MYO7A: variants seen among roughly 807,000 people sequenced by gnomAD.
The protein encoded by MYO7A is unconventional myosin-VIIa.
In MYO7A, 210 loss-of-function variants were observed where a neutral mutation model predicts 263.8. That is an observed-to-expected ratio of 0.80 (90% CI 0.71 to 0.89). The LOEUF is 0.89. Ranked by LOEUF, MYO7A falls within the 40% of genes least tolerant of loss-of-function variation. MYO7A has a pLI of 0.00. For missense variants in MYO7A, 2,820 were observed against 2,968.3 expected (o/e 0.95, Z 1.16); for synonymous variants, 1,239 against 1,197.3 (o/e 1.03, Z -0.72).
intron 39 of MYO7A, 49 bp downstream of exon 39, chr11:77,204,278 A>G: frequency 6.5e-7 from 1 of 1,546,492 alleles, no homozygotes; most frequent in Non-Finnish European, 8.7e-7. Flanking sequence ...ACCTGCTGTG[A>G]CGGGCAGCTC....
chr11:77,142,832 C>G lies in MYO7A; in HGVS notation c.132+10C>G, dbSNP rs2135629539. The G allele has an allele frequency of 6.3e-7, 1 of 1,583,720 alleles. No homozygotes were observed. The highest frequency in any genetic ancestry group is 8.6e-7 in the Non-Finnish European group (1 of 1,162,738). ...GGATGATGAAGACAATGTGAGTAGT[C>G]CCCTCCCTCCTCCTGCCCCATGCCT... On this transcript the variant is annotated intron_variant, in intron 3 of 48. Transcript: ENST00000409709.
chr11:77,129,967 G>GTGGGCC (rs1476970957), intron 1 of MYO7A, among the ~76,000 whole-genome samples: 2 of 152,090 alleles, frequency 1.3e-5, no homozygotes, highest in Non-Finnish European at 2.9e-5. Context: ...GCCTAGCGGG[G>GTGGGCC]CGGGCCCGGG....
At position 77,204,110 on chromosome 11, in the gene MYO7A, G is replaced by A. The variant is rs758583830; in HGVS notation, c.5361G>A (p.Lys1787=). The change falls in exon 39 of 49, where the codon AAG becomes AAA. Residue 1787 remains lysine (K), a synonymous_variant. Transcript: ENST00000409709. ...VLKYMGDYPS[K]RTRSVNELTD... is the part of the protein sequence containing the mutation. Reference sequence around the variant, plus strand: ...AGTACATGGGCGACTACCCGTCCAAGAGGACACGCTCCGTCAACGAGCTCA... The same window carrying A: ...AGTACATGGGCGACTACCCGTCCAAAAGGACACGCTCCGTCAACGAGCTCA... 4.4e-5 allele frequency: 70 copies of A among 1,601,618 alleles called. 2 individuals are homozygous for A. In the South Asian group the frequency reaches 7.5e-4, roughly 17 times the overall value.
chr11:77,147,739 C>A, intron 3 of MYO7A, 59 bp from the exon 4 acceptor site: 1 of 1,585,204 alleles, frequency 6.3e-7, no homozygotes. Context: ...CCGGCCCCTT[C>A]CCCTGAAGTG....
intron 32 of MYO7A, 22 bp from the exon 33 acceptor site, chr11:77,197,451 TTCTGTCCC>T (rs1485746283): frequency 7.3e-6 from 11 of 1,505,172 alleles, no homozygotes; most frequent in Non-Finnish European, 8.2e-6. Context: ...GTATGTTGTC[TTCTGTCCC>T]TCTGTCCCTC....
intron 27 of MYO7A, among the ~76,000 whole-genome samples, chr11:77,188,285 A>G (rs1555089490): frequency 6.6e-6 from 1 of 152,208 alleles, no homozygotes; most frequent in South Asian, 2.1e-4. Context: ...TGTTTTCTTT[A>G]AAGGACTGCT....
intron 15 of MYO7A, among the ~76,000 whole-genome samples, chr11:77,171,167 G>A (rs1408856487): frequency 1.3e-5 from 2 of 152,244 alleles, no homozygotes; most frequent in Non-Finnish European, 2.9e-5. Flanking sequence ...AAGGGTGTGC[G>A]TGCGCGTGTG....
chr11:77,204,230 G>A lies in MYO7A; in HGVS notation c.5480+1G>A, dbSNP rs749236379. On this transcript the variant is annotated splice_donor_variant, in intron 39 of 48. Coordinates refer to ENST00000409709, the MANE Select transcript of MYO7A (RefSeq NM_000260.4). LOFTEE classifies it high-confidence loss of function. Reference sequence around the variant, plus strand: ...AGCAGCTGACCGACAACCACATCAGGTGAGCCAGGCACAGTGGGCGGATGA... The same window carrying A: ...AGCAGCTGACCGACAACCACATCAGATGAGCCAGGCACAGTGGGCGGATGA... 2.5e-6 allele frequency: 4 copies of A among 1,569,414 alleles called. No individual in the cohort carries two copies. In the South Asian group the frequency reaches 3.5e-5, roughly 14 times the overall value.
chr11:77,152,655 G>A (rs113040071), intron 4 of MYO7A, among the ~76,000 whole-genome samples: 252 of 151,922 alleles, frequency 1.7e-3, no homozygotes, highest in African/African-American at 5.4e-3. Flanking sequence ...TTGCTCTTTC[G>A]GCCGCTCAGC....
At position 77,208,477 on chromosome 11, in the gene MYO7A, C is replaced by T. The variant is rs41298753; in HGVS notation, c.5904C>T (p.His1968=). Residue 1968 remains histidine, a synonymous_variant, in exon 43 of 49, where the codon CAC becomes CAT. Coordinates refer to ENST00000409709, the MANE Select transcript of MYO7A (RefSeq NM_000260.4). The part of the protein sequence containing the change: ...ENDFFFDFVR[H]LTDWIKKARP... ...ACTTCTTCTTTGACTTTGTTCGACA[C>T]TTGACAGACTGGATAAAGAAAGCTC... 9.4e-4 allele frequency: 1,520 copies of T among 1,613,852 alleles called. 7 individuals are homozygous for T. Among genetic ancestry groups the T allele is most frequent in the South Asian group, 2.1e-3 (194 of 91,016 alleles).
chr11:77,184,627 G>A lies in MYO7A; in HGVS notation c.3415G>A (p.Gly1139Ser), dbSNP rs200840044. 97 of 1,578,182 alleles carry A rather than the reference G, an allele frequency of 6.1e-5. No homozygotes were observed. The African/African-American group carries it at 1.2e-3, about 20-fold the overall frequency. ...GCATGACGGGGAGTCCACAGTGCAG[G>A]GCAACAGCATGCTGGAGGACCGGCC... ...RLHDGESTVQ[G>S]NSMLEDRPTS... The change falls in exon 27 of 49, where the codon GGC (glycine) becomes AGC (serine). Residue 1139 changes from glycine (G) to serine (S), a missense_variant. Gly to Ser is a moderately conservative substitution (Grantham distance 56). Transcript: ENST00000409709.
chr11:77,190,966 C>T lies in MYO7A; in HGVS notation c.3924+96C>T, dbSNP rs73495781. The T allele has an allele frequency of 2.1e-3, 2,803 of 1,330,926 alleles. 53 individuals carry two copies. In the African/African-American group the frequency reaches 0.036, roughly 17 times the overall value. 82.4% of individuals were successfully genotyped at this position (1,330,926 alleles called of 1,614,324 possible). ...CCACCTACTTGCCGGGGCTATTCAC[C>T]CTTGAGCACCTCGGTTTCCCCCTGA... On this transcript the variant is annotated intron_variant, in intron 30 of 48. Coordinates refer to ENST00000409709, the MANE Select transcript of MYO7A (RefSeq NM_000260.4).
chr11:77,195,487 T>C (rs963327801), intron 32 of MYO7A, among the ~76,000 whole-genome samples: 1 of 152,214 alleles, frequency 6.6e-6, no homozygotes, highest in Non-Finnish European at 1.5e-5. Context: ...CCCACCTCCC[T>C]GAGGGCCTCC....
In MYO7A at chr11:77,203,117, C is replaced by A; in HGVS notation, c.5226C>A (p.Asp1742Glu). 1.3e-6 allele frequency: 2 copies of A among 1,549,660 alleles called. No individual in the cohort carries two copies. Among genetic ancestry groups the A allele is most frequent in the Non-Finnish European group, 1.7e-6 (2 of 1,147,332 alleles). Residue 1742 changes from aspartate (D) to glutamate (E), a missense_variant, in exon 38 of 49, where the codon GAC (aspartate) becomes GAA (glutamate). Physicochemically the swap from Asp to Glu is conservative, Grantham distance 45 (BLOSUM62 2). Transcript: ENST00000409709. ...TGGTGTCCAAGGCCCGAGGCAAGGA[C>A]CGGCTGTGGAGCCACACGCGGGAAC... Reference protein sequence around the residue: ...RVMVSKARGKDRLWSHTREPL... With the variant: ...RVMVSKARGKERLWSHTREPL...
rs527601733 is a variant in MYO7A at position 77,142,660 on chromosome 11, C to T, written c.19-49C>T. On this transcript the variant is annotated intron_variant, in intron 2 of 48. Coordinates refer to ENST00000409709, the MANE Select transcript of MYO7A (RefSeq NM_000260.4). The stretch of plus-strand genomic sequence containing the variant: ...GATATAGGGCTGCCTGGAAGGGGCT[C>T]CAATCCCCCTCCCTGCTCACCTGGG... 1.5e-5 allele frequency: 22 copies of T among 1,495,724 alleles called. No homozygotes were observed. The South Asian group carries it at 1.9e-4, about 13-fold the overall frequency. The allele number at this position is 1,495,724 out of a possible 1,614,324, so 92.7% of individuals were successfully genotyped here.
In MYO7A at chr11:77,182,545, C is replaced by A. The variant is rs782289247; in HGVS notation, c.3230C>A (p.Thr1077Asn). The change falls in exon 25 of 49, where the codon ACC (threonine) becomes AAC (asparagine). Residue 1077 changes from threonine (T) to asparagine (N), a missense_variant. Coordinates refer to ENST00000409709, the MANE Select transcript of MYO7A (RefSeq NM_000260.4). ...CCTGTGATGACCAAGATTTATGAGA[C>A]CCTGGGCAAGAAGACGTACAAGAGG... ...KIPVMTKIYE[T>N]LGKKTYKREL... 1.2e-6 allele frequency: 2 copies of A among 1,613,376 alleles called. No homozygotes were observed. Among genetic ancestry groups the A allele is most frequent in the Non-Finnish European group, 1.7e-6 (2 of 1,179,870 alleles).
intron 4 of MYO7A, among the ~76,000 whole-genome samples, 191 bp downstream of exon 4, chr11:77,148,141 T>C (rs1555055221): frequency 6.6e-6 from 1 of 152,208 alleles, no homozygotes; most frequent in Non-Finnish European, 1.5e-5. Flanking sequence ...CGGCGGGGTC[T>C]CATCCTCTTG....
intron 2 of MYO7A, among the ~76,000 whole-genome samples, chr11:77,141,784 C>T (rs189845610): frequency 5.3e-5 from 8 of 152,318 alleles, no homozygotes; most frequent in East Asian, 1.9e-4. Context: ...CTCCATGGAG[C>T]GGCTCCATTG....
intron 24 of MYO7A, 55 bp from the exon 25 acceptor site, chr11:77,182,369 G>T: frequency 6.5e-7 from 1 of 1,527,752 alleles, no homozygotes; most frequent in South Asian, 1.3e-5. Flanking sequence ...AGGTCATTTT[G>T]ACAGCTTTAG....
Sources: allele counts gnomAD v4.1 joint callset (sites outside exome capture counted in the v4.1 genomes callset), GRCh38; gene constraint gnomAD v4.1.1; transcripts MANE v1.5; gene names NCBI Gene and HGNC (gene_info 2026-07-23, HGNC 2026-07-21).